The following NSFL1C variants were observed in gnomAD, a reference collection of about 807,000 sequenced individuals.
The protein encoded by NSFL1C is NSFL1 cofactor, also known as NSFL1 cofactor p47.
Under a neutral mutation model 43.1 loss-of-function variants are expected in NSFL1C, and 14 were observed. The observed-to-expected ratio is 0.32, with a 90% confidence interval of 0.21 to 0.51. NSFL1C has a LOEUF of 0.51. Among genes scored for constraint, NSFL1C ranks in the 20% least tolerant of loss-of-function variants. NSFL1C has a pLI of 0.98. For synonymous variants in NSFL1C, 171 were observed against 183.5 expected (o/e 0.93, Z 0.55); for missense variants, 406 against 472.5 (o/e 0.86, Z 1.30).
chr20:1,452,428 C>G, intron 7 of NSFL1C, 65 bp downstream of exon 7: 4 of 1,580,650 alleles, frequency 2.5e-6, no homozygotes, highest in African/African-American at 1.4e-5. Flanking sequence ...GAGTGATACA[C>G]AGGGTCTGCT....
chr20:1,466,627 A>T, intron 1 of NSFL1C, 93 bp downstream of exon 1: 1 of 1,211,206 alleles, frequency 8.3e-7, no homozygotes, highest in Non-Finnish European at 1.2e-6. Context: ...AGCGGGGATG[A>T]CTGTGCGCTT....
Position 1,452,460 on chromosome 20 carries a change from C to CA in NSFL1C, c.785+32dup, listed in dbSNP as rs536132932. 912 of 1,608,640 alleles carry CA rather than the reference C, an allele frequency of 5.7e-4. 4 individuals carry two copies. The African/African-American group carries it at 0.011, about 20-fold the overall frequency. On this transcript the variant is annotated intron_variant, in intron 7 of 8. Coordinates refer to ENST00000216879, the MANE Select transcript of NSFL1C (RefSeq NM_016143.5). ...TGCTGGGCTTGGCAGGTGTGATTGA[C>CA]AGAGTCTGGCTCTAACCTGTGCTGC... is the stretch of plus-strand genomic sequence containing the variant.
chr20:1,451,662 T>C (rs2090182949), intron 7 of NSFL1C, among the ~76,000 whole-genome samples: 2 of 152,216 alleles, frequency 1.3e-5, no homozygotes, highest in South Asian at 2.1e-4. Flanking sequence ...GGTGACCCCA[T>C]GGCCATGGCC....
chr20:1,453,239 T>C (rs1599950300), intron 5 of NSFL1C, 99 bp from the exon 6 acceptor site: 1 of 725,560 alleles, frequency 1.4e-6, no homozygotes, highest in Admixed American at 1.9e-5. Flanking sequence ...GTGTTGCTAC[T>C]ATTAAAACAC....
chr20:1,446,268 C>A, intron 7 of NSFL1C: 1 of 243,002 alleles, frequency 4.1e-6, no homozygotes, highest in South Asian at 4.1e-5. Context: ...AGCCTTGGCA[C>A]AGCCTGGCAG....
At chr20:1,450,807 T>C (rs575545795) in intron 7 of NSFL1C, among the ~76,000 whole-genome samples, 1 of 152,354 alleles carries the variant, frequency 6.6e-6, no homozygotes, top group South Asian at 2.1e-4. Context: ...GCTGCCTAAA[T>C]GTTTAACAGC....
intron 7 of NSFL1C, among the ~76,000 whole-genome samples, chr20:1,447,594 T>C (rs994241101): frequency 4.6e-5 from 7 of 152,164 alleles, no homozygotes; most frequent in African/African-American, 1.7e-4. Flanking sequence ...TCACAGACAT[T>C]AGGTTAACTC....
chr20:1,450,243 A>C (rs1320069330), intron 7 of NSFL1C, among the ~76,000 whole-genome samples: 4 of 152,216 alleles, frequency 2.6e-5, no homozygotes, highest in African/African-American at 4.8e-5. Context: ...CAAGACAATG[A>C]AAAACATAGT....
At chr20:1,464,901 C>T (rs1460897840) in intron 1 of NSFL1C, among the ~76,000 whole-genome samples, 1 of 152,194 alleles carries the variant, frequency 6.6e-6, no homozygotes, top group East Asian at 1.9e-4. Context: ...CAGGTTCCAT[C>T]CCTGCTAGTG....
intron 7 of NSFL1C, among the ~76,000 whole-genome samples, chr20:1,450,870 T>C (rs1002755972): frequency 6.6e-6 from 1 of 152,166 alleles, no homozygotes; most frequent in Non-Finnish European, 1.5e-5. Flanking sequence ...ATGTAAGCAT[T>C]ATAATTAAAA....
At chr20:1,449,488 C>CT (rs1355792014) in intron 7 of NSFL1C, among the ~76,000 whole-genome samples, 1 of 152,170 alleles carries the variant, frequency 6.6e-6, no homozygotes, top group Non-Finnish European at 1.5e-5. Flanking sequence ...CCATAGTGCT[C>CT]TAATCATCCC....
rs149942472 is a variant in NSFL1C, at chr20:1,443,758, C to T, written c.1104G>A (p.Arg368=). Residue 368 remains arginine, a synonymous_variant, in exon 9 of 9, where the codon CGG becomes CGA. Coordinates refer to ENST00000216879, the MANE Select transcript of NSFL1C (RefSeq NM_016143.5). ...ANLLNAVIVQ[R]LT Reference sequence around the variant, plus strand: ...GCAGCTGGCTGGGCGGTTATGTTAACCGCTGCACGATGACAGCATTGAGCA... The same window carrying T: ...GCAGCTGGCTGGGCGGTTATGTTAATCGCTGCACGATGACAGCATTGAGCA... 6.2e-7 allele frequency: 1 copy of T among 1,614,094 alleles called. No individual in the cohort carries two copies. The highest frequency in any genetic ancestry group is 8.5e-7 in the Non-Finnish European group (1 of 1,179,994).
intron 2 of NSFL1C, among the ~76,000 whole-genome samples, chr20:1,461,454 T>C (rs1413082152): frequency 1.3e-5 from 2 of 152,076 alleles, no homozygotes; most frequent in African/African-American, 2.4e-5. Context: ...GCACACCTGA[T>C]CAGGTGAGAG....
Position 1,443,695 on chromosome 20 carries a change from A to T in NSFL1C, c.*54T>A. On this transcript the variant is annotated 3_prime_UTR_variant, in exon 9 of 9. Coordinates refer to ENST00000216879, the MANE Select transcript of NSFL1C (RefSeq NM_016143.5). Reference sequence around the variant, plus strand: ...GCAGGAGGGGCGATCCCCATGGGGCATGGCCACTGGCCATGGGAAACACAG... The same window carrying T: ...GCAGGAGGGGCGATCCCCATGGGGCTTGGCCACTGGCCATGGGAAACACAG... 1 of 1,600,828 alleles carries T rather than the reference A, an allele frequency of 6.2e-7. No homozygotes were observed. Among genetic ancestry groups the T allele is most frequent in the Non-Finnish European group, 8.6e-7 (1 of 1,169,318 alleles).
rs2090280991 is a variant in NSFL1C at position 1,455,590 on chromosome 20, G to C, written c.279-458C>G. ...GTTAATGGTGGCACTGGCATGGTTA[G>C]TACAAGCAGCTAGGCTCCAGTCTTG... On this transcript the variant is annotated intron_variant, in intron 3 of 8. Coordinates refer to ENST00000216879, the MANE Select transcript of NSFL1C (RefSeq NM_016143.5). 8 of 764,966 alleles carry C rather than the reference G, an allele frequency of 1.0e-5. No individual in the cohort carries two copies. The East Asian group carries it at 1.7e-4, about 16-fold the overall frequency. The allele number at this position is 764,966 out of a possible 1,614,324, so 47.4% of individuals were successfully genotyped here.
chr20:1,453,676 T>C lies in NSFL1C; in HGVS notation c.538-536A>G, dbSNP rs546072518. ...CTTTATTTTGGAATAAAACCCAAAA[T>C]GATTTAAAACATATTATAGAAATTA... On this transcript the variant is annotated intron_variant, in intron 5 of 8. Coordinates refer to ENST00000216879, the MANE Select transcript of NSFL1C (RefSeq NM_016143.5). Among the ~76,000 whole-genome samples the C allele has an allele frequency of 1.2e-3, 176 of 152,310 alleles. 1 individual carries two copies. The highest frequency in any genetic ancestry group is 1.8e-3 in the Admixed American group (27 of 15,306).
intron 3 of NSFL1C, among the ~76,000 whole-genome samples, chr20:1,457,669 C>A (rs138410135): frequency 6.6e-6 from 1 of 152,170 alleles, no homozygotes; most frequent in Non-Finnish European, 1.5e-5. Context: ...AGATTCCACA[C>A]GAGAGCATGC....
At chr20:1,465,464 CTG>C (rs754060047) in intron 1 of NSFL1C, among the ~76,000 whole-genome samples, 18 of 152,230 alleles carry the variant, frequency 1.2e-4, no homozygotes, top group Non-Finnish European at 2.5e-4. Context: ...GGTCACAACA[CTG>C]TGTGCTTTTA....
chr20:1,465,972 T>C (rs908497301), intron 1 of NSFL1C, among the ~76,000 whole-genome samples: 3 of 152,194 alleles, frequency 2.0e-5, no homozygotes, highest in African/African-American at 7.2e-5. Context: ...TAAATATTAG[T>C]CATCACCGTC....
Sources: allele counts gnomAD v4.1 joint callset (sites outside exome capture counted in the v4.1 genomes callset), GRCh38; gene constraint gnomAD v4.1.1; transcripts MANE v1.5; gene names NCBI Gene and HGNC (gene_info 2026-07-23, HGNC 2026-07-21).